NINJ2: variants seen among roughly 807,000 people sequenced by gnomAD.
NINJ2 encodes the protein ninjurin-2.
In NINJ2, 12 loss-of-function variants were observed where a neutral mutation model predicts 11.7. The ratio of observed to expected loss-of-function variants is 1.02; its 90% confidence interval spans 0.66 to 1.66. The LOEUF is 1.66. Among genes scored for constraint, NINJ2 ranks in the 40% most tolerant of loss-of-function variants. NINJ2 has a pLI of 0.00. For synonymous variants in NINJ2, 93 were observed against 76.8 expected, an observed-to-expected ratio of 1.21 and a Z score of -1.10; for missense variants, 187 against 181.8, an observed-to-expected ratio of 1.03 and a Z score of -0.16.
intron 1 of NINJ2, among the ~76,000 whole-genome samples, chr12:657,009 C>T (rs902028804): frequency 1.3e-5 from 2 of 152,118 alleles, no homozygotes; most frequent in Admixed American, 6.6e-5. Context: ...TCAAAGTGGA[C>T]TATAAACCTA....
Position 628,795 on chromosome 12 carries a change from C to T in NINJ2, c.33+34533G>A, listed in dbSNP as rs968376604. Among the ~76,000 whole-genome samples, 9 of 152,122 alleles carry T rather than the reference C, an allele frequency of 5.9e-5. No homozygotes were observed. The highest frequency in any genetic ancestry group is 1.3e-4 in the Non-Finnish European group (9 of 68,018). Reference sequence around the variant, plus strand: ...GTTGTCCTCACTGCTCAGTATATGCCAATTATACATTAGCATGCTAAGAGA... The same window carrying T: ...GTTGTCCTCACTGCTCAGTATATGCTAATTATACATTAGCATGCTAAGAGA... On this transcript the variant is annotated intron_variant, in intron 1 of 3. Transcript: ENST00000305108. This position sits in a 1 kb window ranked among gnomAD's most constrained non-coding sequence, Gnocchi z 4.4.
chr12:607,430 G>A (rs1025429044), intron 1 of NINJ2, among the ~76,000 whole-genome samples: 16 of 152,112 alleles, frequency 1.1e-4, no homozygotes, highest in Non-Finnish European at 2.4e-4. Context: ...AGAGTTCCTG[G>A]GACCATGGCA....
At chr12:599,750 G>A (rs757606316) in intron 1 of NINJ2, among the ~76,000 whole-genome samples, 3 of 152,182 alleles carry the variant, frequency 2.0e-5, no homozygotes, top group Admixed American at 6.5e-5. Flanking sequence ...CCAGCCCCAC[G>A]ACTGCGCTTG....
intron 1 of NINJ2, among the ~76,000 whole-genome samples, chr12:586,997 AC>A (rs1947647379): frequency 1.3e-5 from 2 of 152,144 alleles, no homozygotes; most frequent in Admixed American, 1.3e-4. Flanking sequence ...AGATGGTAGA[AC>A]CCCTGCCAGT....
chr12:622,149 C>G (rs1466400058), intron 1 of NINJ2, among the ~76,000 whole-genome samples: 1 of 140,422 alleles, frequency 7.1e-6, no homozygotes, highest in East Asian at 2.1e-4. Context: ...AGGCCAGGCG[C>G]AGTGGCTCAT....
rs1947625750 is a variant in NINJ2 at position 585,576 on chromosome 12, GCACA to G, written c.34-19402_34-19399del. On this transcript the variant is annotated intron_variant, in intron 1 of 3. Transcript: ENST00000305108. The surrounding 1 kb of genome is among the most constrained non-coding windows in gnomAD (Gnocchi z 4.1). ...AACGGTTGGAGGGAAGGGAGGCTGA[GCACA>G]GGCACGGTCACGCTGTGTTGCACCC... is the stretch of plus-strand genomic sequence containing the variant. Among the ~76,000 whole-genome samples the G allele has an allele frequency of 6.6e-6, 1 of 151,566 alleles. No individual in the cohort carries two copies. The highest frequency in any genetic ancestry group is 2.4e-5 in the African/African-American group (1 of 40,988).
At position 568,887 on chromosome 12, in the gene NINJ2, C is replaced by G. The variant is rs71447499; in HGVS notation, c.34-2709G>C. On this transcript the variant is annotated intron_variant, in intron 1 of 3. Transcript: ENST00000305108. ...GGGGCTGTGAGGACACCCCCCCCCC[C>G]CCGCCCCCCGGGTAAGCACTGGGCC... Among the ~76,000 whole-genome samples the G allele has an allele frequency of 7.2e-3, 780 of 107,926 alleles. 9 individuals are homozygous for G. The highest frequency in any genetic ancestry group is 0.027 in the African/African-American group (701 of 25,588). The allele number at this position is 107,926 out of a possible 152,430, so 70.8% of individuals were successfully genotyped here.
intron 1 of NINJ2, chr12:641,071 T>C (rs964154867): frequency 2.0e-5 from 3 of 152,236 alleles, no homozygotes; most frequent in Non-Finnish European, 4.4e-5. Context: ...TATGTAACCA[T>C]GTTTATGAGG....
At chr12:590,197 C>T (rs1428646850) in intron 1 of NINJ2, among the ~76,000 whole-genome samples, 5 of 152,198 alleles carry the variant, frequency 3.3e-5, no homozygotes, top group Admixed American at 2.6e-4. Context: ...CTGCCTCAGC[C>T]TCCCAATGTG....
intron 1 of NINJ2, among the ~76,000 whole-genome samples, chr12:587,918 C>G (rs1373487429): frequency 6.6e-6 from 1 of 152,176 alleles, no homozygotes; most frequent in Non-Finnish European, 1.5e-5. Flanking sequence ...TGAACTCCTT[C>G]AGGGTAGGAG....
chr12:592,160 G>A (rs888857566), intron 1 of NINJ2, among the ~76,000 whole-genome samples: 3 of 152,118 alleles, frequency 2.0e-5, no homozygotes, highest in African/African-American at 7.2e-5. Context: ...AAGCTAAGTT[G>A]TCTGAGCCAT....
At chr12:603,589 G>T (rs1203530778) in intron 1 of NINJ2, among the ~76,000 whole-genome samples, 1 of 151,722 alleles carries the variant, frequency 6.6e-6, no homozygotes, top group Non-Finnish European at 1.5e-5. Flanking sequence ...ATGGTATGAG[G>T]TAAGAGTCCA....
intron 1 of NINJ2, among the ~76,000 whole-genome samples, chr12:578,074 A>G (rs1400864339): frequency 1.3e-5 from 2 of 152,134 alleles, no homozygotes; most frequent in Admixed American, 6.5e-5. Flanking sequence ...GTAATCAGTT[A>G]TTTGTATAAG....
At chr12:597,744 A>G (rs2120893267) in intron 1 of NINJ2, among the ~76,000 whole-genome samples, 1 of 152,360 alleles carries the variant, frequency 6.6e-6, no homozygotes, top group South Asian at 2.1e-4. Flanking sequence ...AGGCGAATGT[A>G]TTAGTGGGAG....
intron 1 of NINJ2, among the ~76,000 whole-genome samples, chr12:568,384 A>C (rs1266376660): frequency 6.6e-6 from 1 of 152,078 alleles, no homozygotes; most frequent in African/African-American, 2.4e-5. Flanking sequence ...TGCCTTCAAA[A>C]CTCAGCCCCA....
intron 1 of NINJ2, among the ~76,000 whole-genome samples, chr12:654,822 G>T (rs1402450956): frequency 6.6e-6 from 1 of 151,454 alleles, no homozygotes; most frequent in Non-Finnish European, 1.5e-5. Flanking sequence ...AACCTGGGAG[G>T]TGGAGGTTGC....
intron 1 of NINJ2, among the ~76,000 whole-genome samples, chr12:623,552 C>T (rs999844429): frequency 6.6e-6 from 1 of 152,240 alleles, no homozygotes; most frequent in African/African-American, 2.4e-5. Context: ...TATTTACCAA[C>T]TTGCGTCCAA....
At chr12:656,868 T>G (rs1165894610) in intron 1 of NINJ2, among the ~76,000 whole-genome samples, 1 of 152,070 alleles carries the variant, frequency 6.6e-6, no homozygotes, top group African/African-American at 2.4e-5. Flanking sequence ...CAACTGATCT[T>G]TGATAAAGGA....
At chr12:653,791 C>T (rs1469561993) in intron 1 of NINJ2, among the ~76,000 whole-genome samples, 1 of 152,074 alleles carries the variant, frequency 6.6e-6, no homozygotes, top group Non-Finnish European at 1.5e-5. Context: ...TCAGTAATCA[C>T]TTTGAATGTC....
Sources: allele counts gnomAD v4.1 joint callset (sites outside exome capture counted in the v4.1 genomes callset), GRCh38; gene constraint gnomAD v4.1.1; non-coding constraint Gnocchi (gnomAD v3.1); transcripts MANE v1.5; gene names NCBI Gene and HGNC (gene_info 2026-07-23, HGNC 2026-07-21).